The following BTBD2 variants were observed in gnomAD, a reference collection of about 807,000 sequenced individuals.
BTBD2 encodes BTB domain containing 2, also known as BTB/POZ domain-containing protein 2.
Under a neutral mutation model 44.0 loss-of-function variants are expected in BTBD2, and 15 were observed. The observed-to-expected ratio is 0.34, with a 90% CI of 0.23 to 0.53. The LOEUF (loss-of-function observed/expected upper bound fraction) is 0.53, where lower values mean the gene tolerates loss of function less well. BTBD2 is among the 20% of genes least tolerant of loss of function. The pLI, the probability that BTBD2 is intolerant of heterozygous loss-of-function variation, is 0.95. For synonymous variants in BTBD2, 443 were observed against 335.9 expected (o/e 1.32, Z -3.49); for missense variants, 657 against 746.4 (o/e 0.88, Z 1.39).
At chr19:1,989,086 G>T (rs1278253433) in intron 5 of BTBD2, among the ~76,000 whole-genome samples, 1 of 152,132 alleles carries the variant, frequency 6.6e-6, no homozygotes, top group Non-Finnish European at 1.5e-5. Flanking sequence ...CTGATCAACA[G>T]TTGTATTTTT....
At chr19:1,987,932 CAG>C (rs1292655839) in intron 5 of BTBD2, 13 of 533,080 alleles carry the variant, frequency 2.4e-5, no homozygotes, top group Admixed American at 7.0e-5. Flanking sequence ...GGCGATGCCT[CAG>C]GGTCTGACAG....
chr19:1,993,328 C>T, intron 2 of BTBD2, 152 bp from the exon 3 acceptor site: 5 of 1,146,736 alleles, frequency 4.4e-6, no homozygotes, highest in Non-Finnish European at 6.0e-6. Flanking sequence ...GAGGAACCTT[C>T]CAGAATTAGC....
intron 1 of BTBD2, among the ~76,000 whole-genome samples, chr19:2,005,731 A>G (rs965392656): frequency 4.0e-5 from 6 of 151,308 alleles, no homozygotes; most frequent in Admixed American, 3.3e-4. Context: ...GCAGTGAACC[A>G]AGATCACACC....
intron 2 of BTBD2, among the ~76,000 whole-genome samples, chr19:1,996,354 G>A (rs1215272690): frequency 6.6e-6 from 1 of 152,014 alleles, no homozygotes; most frequent in African/African-American, 2.4e-5. Flanking sequence ...AATTCTGATA[G>A]GATTATACTG....
At chr19:2,008,166 G>C (rs1013822823) in intron 1 of BTBD2, among the ~76,000 whole-genome samples, 1 of 151,906 alleles carries the variant, frequency 6.6e-6, no homozygotes, top group East Asian at 1.9e-4. Flanking sequence ...CACCACGCCT[G>C]GCTAATTTTG....
intron 1 of BTBD2, among the ~76,000 whole-genome samples, chr19:2,005,979 T>C (rs530327702): frequency 1.6e-4 from 25 of 151,602 alleles, no homozygotes; most frequent in African/African-American, 6.0e-4. Flanking sequence ...TCCCAGCTAC[T>C]TGGGAGGCTA....
At chr19:1,999,140 C>A (rs10423525) in intron 1 of BTBD2, among the ~76,000 whole-genome samples, 4 of 152,302 alleles carry the variant, frequency 2.6e-5, no homozygotes, top group South Asian at 2.1e-4. Context: ...CACGCGCCCC[C>A]CTAAACCCCG....
intron 1 of BTBD2, among the ~76,000 whole-genome samples, chr19:2,012,051 TCAC>T (rs1419119415): frequency 2.6e-5 from 4 of 151,840 alleles, no homozygotes; most frequent in African/African-American, 9.7e-5. Flanking sequence ...AGACGGTGTT[TCAC>T]CACGTTGGCC....
rs963918459 is a variant in BTBD2, at chr19:1,985,898, C to T, written c.*590G>A. 5 of 154,216 alleles carry T rather than the reference C, an allele frequency of 3.2e-5. No homozygotes were observed. The highest frequency in any genetic ancestry group is 4.8e-5 in the African/African-American group (2 of 41,470). 9.6% of individuals were successfully genotyped at this position (154,216 alleles called of 1,614,324 possible). ...AGGCCTATCCGGCAGGGGCCGTCCC[C>T]ACACTGAATCCTGCGTGCGCAGAAC... On this transcript the variant is annotated 3_prime_UTR_variant, in exon 9 of 9. Coordinates refer to ENST00000255608, the MANE Select transcript of BTBD2 (RefSeq NM_017797.4).
intron 1 of BTBD2, among the ~76,000 whole-genome samples, chr19:2,004,511 G>A (rs1159754501): frequency 6.6e-6 from 1 of 151,748 alleles, no homozygotes; most frequent in Non-Finnish European, 1.5e-5. Flanking sequence ...TGTTCAGGCT[G>A]GTCTCCAACT....
At chr19:1,987,806 G>A in intron 5 of BTBD2, 114 bp from the exon 6 acceptor site, 1 of 1,129,386 alleles carries the variant, frequency 8.9e-7, no homozygotes, top group South Asian at 1.6e-5. Context: ...CAAGGTGCAG[G>A]GACCTGGGCA....
chr19:2,010,803 T>G (rs1172921363), intron 1 of BTBD2, among the ~76,000 whole-genome samples: 1 of 152,058 alleles, frequency 6.6e-6, no homozygotes. Context: ...CGCGCCCAGC[T>G]TATTTGTGTA....
intron 1 of BTBD2, among the ~76,000 whole-genome samples, chr19:2,000,284 T>C (rs377545153): frequency 6.7e-6 from 1 of 150,302 alleles, no homozygotes; most frequent in Non-Finnish European, 1.5e-5. Flanking sequence ...CCCTGCGCCA[T>C]CACCCACAGC....
chr19:2,013,814 G>T (rs2016497249), intron 1 of BTBD2: 1 of 325,274 alleles, frequency 3.1e-6, no homozygotes, highest in Non-Finnish European at 4.4e-6. Flanking sequence ...GAGGCAGCAG[G>T]GAGGACGCAG....
chr19:1,989,259 G>C (rs1489561873), intron 5 of BTBD2: 3 of 152,538 alleles, frequency 2.0e-5, no homozygotes, highest in African/African-American at 7.2e-5. Context: ...TTGTGTGGTG[G>C]TGGCACCTGT....
At chr19:2,010,176 A>T (rs1007709235) in intron 1 of BTBD2, among the ~76,000 whole-genome samples, 1 of 152,204 alleles carries the variant, frequency 6.6e-6, no homozygotes, top group African/African-American at 2.4e-5. Flanking sequence ...GGTATTTTAG[A>T]TACTAACTTC....
chr19:2,008,039 T>C (rs1461414714), intron 1 of BTBD2, among the ~76,000 whole-genome samples: 1 of 151,774 alleles, frequency 6.6e-6, no homozygotes, highest in Non-Finnish European at 1.5e-5. Flanking sequence ...AATTTTACTC[T>C]TTTTGCCCAG....
chr19:1,994,442 C>T (rs1232188921), intron 2 of BTBD2, among the ~76,000 whole-genome samples: 3 of 151,862 alleles, frequency 2.0e-5, no homozygotes, highest in Admixed American at 1.3e-4. Flanking sequence ...CCAGTGTGGG[C>T]ATGGTGAGAT....
At chr19:1,990,996 T>A in intron 3 of BTBD2, 174 bp from the exon 4 acceptor site, 1 of 593,032 alleles carries the variant, frequency 1.7e-6, no homozygotes, top group Non-Finnish European at 3.0e-6. Flanking sequence ...GCCCAGAGAC[T>A]CCCCTGTGAC....
Sources: allele counts gnomAD v4.1 joint callset (sites outside exome capture counted in the v4.1 genomes callset), GRCh38; gene constraint gnomAD v4.1.1; transcripts MANE v1.5; gene names NCBI Gene and HGNC (gene_info 2026-07-23, HGNC 2026-07-21).